SNRPN: variants seen among roughly 807,000 people sequenced by gnomAD.
SNRPN encodes the protein small nuclear ribonucleoprotein-associated protein N.
SNRPN carries 7 observed loss-of-function variants against 25.2 expected under a neutral mutation model. That is an observed-to-expected ratio of 0.28 (90% CI 0.16 to 0.52). SNRPN has a LOEUF of 0.52. Among genes scored for constraint, SNRPN ranks in the 20% least tolerant of loss-of-function variants. SNRPN has a pLI of 0.96. For missense variants in SNRPN, 196 were observed against 322.5 expected (o/e 0.61, Z 3.00); for synonymous variants, 124 against 110.6 (o/e 1.12, Z -0.76).
chr15:24,978,317 A>G lies in SNRPN; in HGVS notation c.684A>G (p.Arg228=), dbSNP rs2077297673. 5 of 1,613,962 alleles carry G rather than the reference A, an allele frequency of 3.1e-6. No individual in the cohort carries two copies. In the Admixed American group the frequency reaches 6.7e-5, roughly 22 times the overall value. The change falls in exon 9 of 10, where the codon AGA becomes AGG. Residue 228 remains arginine, a splice_region_variant and synonymous_variant. Transcript: ENST00000390687. ...PGMRPPPPGI[R]GPPPPGMRPP... Reference sequence around the variant, plus strand: ...TGAGACCCCCTCCACCAGGCATTAGAGGTGAGTGGGAGCATAGGGGTTTGA... The same window carrying G: ...TGAGACCCCCTCCACCAGGCATTAGGGGTGAGTGGGAGCATAGGGGTTTGA...
At chr15:24,855,625 A>G (rs2146296059), upstream of SNRPN, among the ~76,000 whole-genome samples, 1 of 152,016 alleles carries the variant, frequency 6.6e-6, no homozygotes, top group Middle Eastern at 3.4e-3. Flanking sequence ...TACCGTCTCT[A>G]CTAAAAATAC....
intron 2 of SNRPN, chr15:24,848,358 T>C (rs530637180): frequency 1.5e-4 from 23 of 152,456 alleles, no homozygotes; most frequent in Admixed American, 1.5e-3. Flanking sequence ...TTCAAGCGGA[T>C]CTCTTCCGGT....
intron 2 of SNRPN, among the ~76,000 whole-genome samples, chr15:24,913,648 AAAAACAAAAC>A (rs202002403): frequency 0.014 from 2,135 of 152,166 alleles, 59 homozygotes; most frequent in African/African-American, 0.048. Context: ...TCCGTCTCAA[AAAAACAAAAC>A]AAAACAAAAC....
intron 5 of SNRPN, 30 bp downstream of exon 5, chr15:24,975,539 GA>G (rs767511521): frequency 5.0e-6 from 8 of 1,600,030 alleles, no homozygotes; most frequent in Non-Finnish European, 4.3e-6. Context: ...ATGGGGGTTG[GA>G]CACAGAGGCA....
intron 1 of SNRPN, among the ~76,000 whole-genome samples, chr15:24,861,896 C>T (rs1156999364): frequency 7.0e-6 from 1 of 143,556 alleles, no homozygotes; most frequent in African/African-American, 2.9e-5. Context: ...TATGATAGTT[C>T]TAAACCAGAC....
chr15:24,930,561 C>T (rs1205190268), intron 3 of SNRPN, among the ~76,000 whole-genome samples: 7 of 107,868 alleles, frequency 6.5e-5, no homozygotes, highest in Non-Finnish European at 1.1e-4. Context: ...GCCTGGGAAA[C>T]ATAGGGAAAC....
intron 2 of SNRPN, chr15:24,851,140 G>GA (rs34913896): frequency 0.88 from 133,511 of 152,104 alleles, 59,362 homozygotes; most frequent in East Asian, 1. Flanking sequence ...CTGGTGGGGG[G>GA]AAGTTTTAGA....
intron 3 of SNRPN, among the ~76,000 whole-genome samples, chr15:24,973,815 G>C (rs2076753540): frequency 6.6e-6 from 1 of 152,124 alleles, no homozygotes; most frequent in Non-Finnish European, 1.5e-5. Flanking sequence ...GAAGTCTTAG[G>C]CAGGTTTATA....
Position 24,869,878 on chromosome 15 carries a change from G to C in SNRPN, c.-579+13162G>C, listed in dbSNP as rs147390510. On this transcript the variant is annotated intron_variant, in intron 1 of 11. Transcript: ENST00000400097. Reference sequence around the variant, plus strand: ...GAACTGAGGACCTAAAACAAGAGTTGAGAACTCTTTACTGTATACAGTTGG... The same window carrying C: ...GAACTGAGGACCTAAAACAAGAGTTCAGAACTCTTTACTGTATACAGTTGG... Among the ~76,000 whole-genome samples the C allele has an allele frequency of 4.6e-5, 7 of 152,242 alleles. No homozygotes were observed. In the East Asian group the frequency reaches 1.4e-3, roughly 29 times the overall value.
upstream of SNRPN, among the ~76,000 whole-genome samples, chr15:24,953,968 G>A (rs943901852): frequency 2.6e-5 from 4 of 152,140 alleles, no homozygotes; most frequent in African/African-American, 9.7e-5. Flanking sequence ...GGGCTTGGGA[G>A]GGGATTTAAC....
chr15:24,926,742 C>T (rs969604180), intron 3 of SNRPN, among the ~76,000 whole-genome samples: 5 of 151,824 alleles, frequency 3.3e-5, no homozygotes, highest in African/African-American at 9.7e-5. Flanking sequence ...TGCTGGCTCA[C>T]GGGTATAATC....
At chr15:24,970,222 A>C (rs1412692456) in intron 3 of SNRPN, among the ~76,000 whole-genome samples, 1 of 152,152 alleles carries the variant, frequency 6.6e-6, no homozygotes, top group African/African-American at 2.4e-5. Context: ...CAACATTTAA[A>C]CACTTCGTAC....
At chr15:24,928,250 A>T (rs2060547261) in intron 3 of SNRPN, among the ~76,000 whole-genome samples, 1 of 152,180 alleles carries the variant, frequency 6.6e-6, no homozygotes, top group African/African-American at 2.4e-5. Context: ...AAGTTAAATC[A>T]GTGTATTGAA....
upstream of SNRPN, among the ~76,000 whole-genome samples, chr15:24,856,266 T>C (rs146248570): frequency 3.5e-4 from 53 of 152,316 alleles, no homozygotes; most frequent in Non-Finnish European, 6.3e-4. Flanking sequence ...TCACTATTAC[T>C]GATGACACTT....
intron 1 of SNRPN, among the ~76,000 whole-genome samples, chr15:24,877,508 T>A (rs1330075569): frequency 6.6e-6 from 1 of 152,216 alleles, no homozygotes; most frequent in Non-Finnish European, 1.5e-5. Flanking sequence ...TTAAACATAA[T>A]GCATAGATGC....
intron 2 of SNRPN, among the ~76,000 whole-genome samples, chr15:24,901,543 C>T (rs1028347267): frequency 1.3e-5 from 2 of 152,132 alleles, no homozygotes; most frequent in South Asian, 2.1e-4. Flanking sequence ...AGAATGTCAT[C>T]GTGTTCTACC....
intron 1 of SNRPN, among the ~76,000 whole-genome samples, chr15:24,877,690 ACACACAAAC>A (rs2056093351): frequency 8.7e-5 from 13 of 148,960 alleles, no homozygotes; most frequent in South Asian, 4.3e-4. Flanking sequence ...ACACACACAC[ACACACAAAC>A]ACACTAGCCG....
intron 2 of SNRPN, among the ~76,000 whole-genome samples, chr15:24,847,208 T>G (rs1026379982): frequency 6.6e-6 from 1 of 152,044 alleles, no homozygotes; most frequent in African/African-American, 2.4e-5. Context: ...GGAATGAGAC[T>G]ACTATGCTCA....
intron 3 of SNRPN, among the ~76,000 whole-genome samples, chr15:24,968,614 C>T (rs1050146670): frequency 3.3e-5 from 5 of 152,114 alleles, no homozygotes; most frequent in Non-Finnish European, 7.4e-5. Flanking sequence ...AACATACTTT[C>T]ACAGCATTAT....
Sources: gnomAD v4.1 joint callset for allele counts (sites outside exome capture counted in the v4.1 genomes callset) on GRCh38, gnomAD v4.1.1 for gene constraint, MANE v1.5 for transcripts, NCBI Gene and HGNC (gene_info 2026-07-23, HGNC 2026-07-21) for gene names.